Variants in WASHC5 observed in about 807,000 individuals in gnomAD.
WASHC5 encodes WASH complex subunit strumpellin.
Under a neutral mutation model 150.4 loss-of-function variants are expected in WASHC5, and 101 were observed. That is an observed-to-expected ratio of 0.67 (90% confidence interval 0.57 to 0.79). WASHC5 has a LOEUF of 0.79. WASHC5 is among the 30% of genes least tolerant of loss of function. WASHC5 has a pLI of 0.00. For missense variants in WASHC5, 1,195 were observed against 1,396.3 expected, an observed-to-expected ratio of 0.86 and a Z score of 2.30; for synonymous variants, 467 against 491.2, an observed-to-expected ratio of 0.95 and a Z score of 0.65.
chr8:125,044,880 G>A (rs1262489693), intron 20 of WASHC5, 182 bp from the exon 21 acceptor site: 3 of 675,654 alleles, frequency 4.4e-6, no homozygotes, highest in Non-Finnish European at 5.3e-6. Flanking sequence ...GGAACAGGAA[G>A]GTAAAATTCA....
chr8:125,046,650 G>A (rs1422037267), intron 20 of WASHC5, among the ~76,000 whole-genome samples: 1 of 152,194 alleles, frequency 6.6e-6, no homozygotes, highest in African/African-American at 2.4e-5. Flanking sequence ...ATGCCTATAA[G>A]ATTGCTGTAA....
At chr8:125,077,837 G>A (rs1817110402) in intron 6 of WASHC5, among the ~76,000 whole-genome samples, 1 of 152,162 alleles carries the variant, frequency 6.6e-6, no homozygotes, top group Non-Finnish European at 1.5e-5. Flanking sequence ...AATTCTCAAT[G>A]AATGGCAACA....
intron 8 of WASHC5, among the ~76,000 whole-genome samples, chr8:125,073,828 T>C (rs773690883): frequency 1.3e-5 from 2 of 152,216 alleles, no homozygotes; most frequent in Non-Finnish European, 1.5e-5. Flanking sequence ...TGTATTGGTT[T>C]CTTCAAATTT....
chr8:125,040,010 A>T (rs568579140), intron 23 of WASHC5, 112 bp from the exon 24 acceptor site: 3 of 731,896 alleles, frequency 4.1e-6, no homozygotes, highest in Non-Finnish European at 7.3e-6. Flanking sequence ...ATCACTCTAC[A>T]GGAAAAAAAA....
intron 20 of WASHC5, 100 bp downstream of exon 20, chr8:125,047,107 A>G: frequency 7.1e-7 from 1 of 1,415,638 alleles, no homozygotes; most frequent in South Asian, 1.2e-5. Context: ...TGACAAGTGC[A>G]GGACCCCCGT....
intron 17 of WASHC5, among the ~76,000 whole-genome samples, chr8:125,054,676 G>A (rs1013807665): frequency 5.9e-5 from 9 of 152,008 alleles, no homozygotes; most frequent in African/African-American, 2.2e-4. Flanking sequence ...GAAATTAGCC[G>A]GGCATGGTGG....
In WASHC5 at chr8:125,067,735, G is replaced by T; in HGVS notation, c.1151-16C>A. On this transcript the variant is annotated splice_polypyrimidine_tract_variant and intron_variant, in intron 9 of 28. Coordinates refer to ENST00000318410, the MANE Select transcript of WASHC5 (RefSeq NM_014846.4). ...GGGTCACAGGCTAGAAACAGGAAAA[G>T]TGTTACCTGCTTACTAAATGTGTAG... is the stretch of plus-strand genomic sequence containing the variant. 1 of 1,612,494 alleles carries T rather than the reference G, an allele frequency of 6.2e-7. No homozygotes were observed. Among genetic ancestry groups the T allele is most frequent in the African/African-American group, 1.3e-5 (1 of 74,964 alleles).
At position 125,024,483 on chromosome 8, in the gene WASHC5, C is replaced by T. The variant is rs1013667627; in HGVS notation, c.*134G>A. On this transcript the variant is annotated 3_prime_UTR_variant, in exon 29 of 29. Coordinates refer to ENST00000318410, the MANE Select transcript of WASHC5 (RefSeq NM_014846.4). ...GCCATGAGATATATCTTACTCAGAA[C>T]GTCTGATGTTTCCCATAATAGACAG... The T allele has an allele frequency of 6.9e-6, 5 of 729,792 alleles. No homozygotes were observed. The highest frequency in any genetic ancestry group is 1.7e-5 in the African/African-American group (1 of 57,500). The allele number at this position is 729,792 out of a possible 1,614,324, so 45.2% of individuals were successfully genotyped here. A position where few individuals can be genotyped will look rare whatever the true frequency, so the allele number is the denominator to read the frequency against.
chr8:125,036,948 GACTGCAGTGA>G, intron 26 of WASHC5, among the ~76,000 whole-genome samples: 1 of 152,174 alleles, frequency 6.6e-6, no homozygotes, highest in Admixed American at 6.5e-5. Context: ...GCGAGGCAGA[GACTGCAGTGA>G]GCTGAGACCA....
intron 27 of WASHC5, 57 bp downstream of exon 27, chr8:125,032,184 G>T (rs2129962960): frequency 6.3e-7 from 1 of 1,593,346 alleles, no homozygotes; most frequent in African/African-American, 1.3e-5. Context: ...GTAATGTGAG[G>T]TTTAAGTTAG....
At chr8:125,079,135 T>TATATATATATATATATATAC (rs35442808) in intron 5 of WASHC5, among the ~76,000 whole-genome samples, 35 of 117,470 alleles carry the variant, frequency 3.0e-4, no homozygotes, top group African/African-American at 1.0e-3. Context: ...TATATATATA[T>TATATATATATATATATATAC]ATATACATTT....
chr8:125,036,211 C>T (rs1461532735), intron 26 of WASHC5, among the ~76,000 whole-genome samples: 1 of 152,198 alleles, frequency 6.6e-6, no homozygotes, highest in African/African-American at 2.4e-5. Context: ...ACACAGCTGG[C>T]ACATGCATCC....
intron 1 of WASHC5, among the ~76,000 whole-genome samples, chr8:125,088,575 G>A (rs571499769): frequency 6.6e-6 from 1 of 152,218 alleles, no homozygotes; most frequent in Admixed American, 6.5e-5. Context: ...CATGGTGTGA[G>A]AGAGCCCTGG....
intron 10 of WASHC5, among the ~76,000 whole-genome samples, chr8:125,065,503 T>C (rs959533509): frequency 6.6e-6 from 1 of 152,138 alleles, no homozygotes; most frequent in Non-Finnish European, 1.5e-5. Flanking sequence ...TCAGATAGCC[T>C]AGGTCTGTCC....
rs1815743971 is a variant in WASHC5 at position 125,037,330 on chromosome 8, A to G, written c.3088T>C (p.Tyr1030His). 4 of 1,572,896 alleles carry G rather than the reference A, an allele frequency of 2.5e-6. No homozygotes were observed. The highest frequency in any genetic ancestry group is 2.6e-6 in the Non-Finnish European group (3 of 1,142,760). The change falls in exon 26 of 29, where the codon TAC becomes CAC. Residue 1030 changes from tyrosine to histidine, a missense_variant. By Grantham distance (83) the Tyr-to-His change is moderately conservative. This residue lies in a region of WASHC5 where 997 missense variants were observed against 1,168.1 expected (regional missense o/e 0.85). Coordinates refer to ENST00000318410, the MANE Select transcript of WASHC5 (RefSeq NM_014846.4). ...AGIHNPLNKI[Y>H]ITTKRLPYFP... ...TAGGGTAAGCGCTTTGTTGTTATGTATATCTGGAAAGAGAAAGGTAAGAAA... is the reference window on the plus strand; with the variant it reads ...TAGGGTAAGCGCTTTGTTGTTATGTGTATCTGGAAAGAGAAAGGTAAGAAA...
chr8:125,064,259 G>A (rs1428507822), intron 10 of WASHC5, among the ~76,000 whole-genome samples: 2 of 152,070 alleles, frequency 1.3e-5, no homozygotes, highest in Admixed American at 1.3e-4. Flanking sequence ...CTAGAGTGCA[G>A]TGGGGTGATC....
chr8:125,059,335 G>A, intron 13 of WASHC5, 38 bp from the exon 14 acceptor site: 1 of 1,613,356 alleles, frequency 6.2e-7, no homozygotes, highest in Non-Finnish European at 8.5e-7. Flanking sequence ...GATGTTCCTA[G>A]GGCCTTTCAT....
chr8:125,074,324 T>G (rs185286694), intron 8 of WASHC5, among the ~76,000 whole-genome samples: 21 of 152,356 alleles, frequency 1.4e-4, no homozygotes, highest in African/African-American at 4.6e-4. Context: ...TTTATGGAAT[T>G]CAATTTACTT....
intron 17 of WASHC5, among the ~76,000 whole-genome samples, chr8:125,053,748 A>ATTT (rs1414525743): frequency 2.6e-5 from 4 of 152,144 alleles, no homozygotes; most frequent in Admixed American, 2.0e-4. Context: ...GATTCTACTG[A>ATTT]TGTCAGATAT....
Sources: allele counts gnomAD v4.1 joint callset (sites outside exome capture counted in the v4.1 genomes callset), GRCh38; gene constraint gnomAD v4.1.1; regional missense constraint gnomAD v4.1.1; transcripts MANE v1.5; gene names NCBI Gene and HGNC (gene_info 2026-07-23, HGNC 2026-07-21).